TSHZ1: variants seen among roughly 807,000 people sequenced by gnomAD.
The protein encoded by TSHZ1 is teashirt zinc finger homeobox 1, also known as teashirt homolog 1.
A neutral mutation model predicts 67.1 loss-of-function variants in TSHZ1; 12 were observed. The observed-to-expected ratio is 0.18, with a 90% CI of 0.11 to 0.29. TSHZ1 has a LOEUF of 0.29. Among genes scored for constraint, TSHZ1 ranks in the 10% least tolerant of loss-of-function variants. The pLI is 1.00. For synonymous variants in TSHZ1, 632 were observed against 622.4 expected (o/e 1.02, Z -0.23); for missense variants, 1,305 against 1,413.9 (o/e 0.92, Z 1.23).
At position 75,288,184 on chromosome 18, in the gene TSHZ1, G is replaced by C. The variant is rs777836494; in HGVS notation, c.2777G>C (p.Arg926Thr). The change falls in exon 2 of 2, where the codon AGG (arginine) becomes ACG (threonine). Residue 926 changes from arginine (R) to threonine (T), a missense_variant. This residue lies in a region of TSHZ1 where 909 missense variants were observed against 961.8 expected (regional missense o/e 0.95). Coordinates refer to ENST00000580243, the MANE Select transcript of TSHZ1 (RefSeq NM_001308210.2). The surrounding 1 kb of genome is among the most constrained non-coding windows in gnomAD (Gnocchi z 4.9). ...YIMSDLGPQERVHISKFTGLS... is the reference protein window; with the variant it reads ...YIMSDLGPQETVHISKFTGLS... ...ATGTCGGACTTGGGCCCGCAGGAGA[G>C]GGTGCACATCTCGAAGTTTACTGGG... is the stretch of plus-strand genomic sequence containing the variant. 1.9e-6 allele frequency: 3 copies of C among 1,614,196 alleles called. No homozygotes were observed. In the South Asian group the frequency reaches 3.3e-5, roughly 18 times the overall value.
chr18:75,255,061 A>G (rs901431930), intron 1 of TSHZ1, among the ~76,000 whole-genome samples: 1 of 152,202 alleles, frequency 6.6e-6, no homozygotes, highest in East Asian at 1.9e-4. Context: ...TCTCTCGATG[A>G]TGAAACACAC....
chr18:75,274,494 T>G (rs1382183555), intron 1 of TSHZ1, among the ~76,000 whole-genome samples: 2 of 152,176 alleles, frequency 1.3e-5, no homozygotes, highest in Admixed American at 1.3e-4. Flanking sequence ...TAAAGGATAT[T>G]CTGATAGGTT....
At position 75,286,837 on chromosome 18, in the gene TSHZ1, G is replaced by T; in HGVS notation, c.1430G>T (p.Arg477Leu). ...CCACTACCGCCCACCACCCACACGC[G>T]GCTGCCGGCCTCCAGCATCAAAAAG... ...SIPLPPTTHTRLPASSIKKQP... is the reference protein window; with the variant it reads ...SIPLPPTTHTLLPASSIKKQP... Residue 477 changes from arginine (R) to leucine (L), a missense_variant, in exon 2 of 2, where the codon CGG becomes CTG. Around this residue, in one of 3 missense-constraint regions of TSHZ1, gnomAD observed 909 missense variants for 961.8 expected, o/e 0.95. Transcript: ENST00000580243. The surrounding 1 kb of genome is among the most constrained non-coding windows in gnomAD (Gnocchi z 5.1). 6.2e-7 allele frequency: 1 copy of T among 1,613,998 alleles called. No individual in the cohort carries two copies. Among genetic ancestry groups the T allele is most frequent in the Non-Finnish European group, 8.5e-7 (1 of 1,180,006 alleles).
intron 1 of TSHZ1, among the ~76,000 whole-genome samples, chr18:75,269,418 C>G (rs143100909): frequency 1.2e-3 from 186 of 152,108 alleles, no homozygotes; most frequent in African/African-American, 3.7e-3. Context: ...CCGTGGTTAC[C>G]TCCCCTGTGC....
rs760324412 is a variant in TSHZ1 at position 75,286,834 on chromosome 18, C to T, written c.1427C>T (p.Thr476Met). 1.7e-5 allele frequency: 28 copies of T among 1,613,968 alleles called. No homozygotes were observed. Among genetic ancestry groups the T allele is most frequent in the Middle Eastern group, 1.7e-4 (1 of 6,058 alleles). Residue 476 changes from threonine to methionine, a missense_variant, in exon 2 of 2, where the codon ACG (threonine) becomes ATG (methionine). Transcript: ENST00000580243. The surrounding 1 kb of genome is among the most constrained non-coding windows in gnomAD (Gnocchi z 5.1). ...QSIPLPPTTH[T>M]RLPASSIKKQ... ...ATCCCACTACCGCCCACCACCCACA[C>T]GCGGCTGCCGGCCTCCAGCATCAAA... is the stretch of plus-strand genomic sequence containing the variant.
At chr18:75,219,120 T>A (rs2022811529) in intron 1 of TSHZ1, among the ~76,000 whole-genome samples, 1 of 152,186 alleles carries the variant, frequency 6.6e-6, no homozygotes. Context: ...TGACATAATA[T>A]TTTAGTATTG....
chr18:75,247,750 T>A (rs981220280), intron 1 of TSHZ1, among the ~76,000 whole-genome samples: 10 of 150,646 alleles, frequency 6.6e-5, no homozygotes, highest in African/African-American at 2.5e-4. Flanking sequence ...ACACACACAC[T>A]CACCCACAGC....
intron 1 of TSHZ1, among the ~76,000 whole-genome samples, chr18:75,237,788 TTTCATTTA>T (rs993963801): frequency 5.7e-5 from 5 of 87,808 alleles, no homozygotes; most frequent in African/African-American, 1.8e-4. Flanking sequence ...GCCTTCTTTC[TTTCATTTA>T]TTTATTTATT....
chr18:75,233,854 G>A (rs2023031610), intron 1 of TSHZ1, among the ~76,000 whole-genome samples: 1 of 152,186 alleles, frequency 6.6e-6, no homozygotes, highest in Non-Finnish European at 1.5e-5. Context: ...GCACACTGTG[G>A]AGGATGCGGT....
chr18:75,287,779 C>T lies in TSHZ1; in HGVS notation c.2372C>T (p.Pro791Leu), dbSNP rs141280995. 1.2e-6 allele frequency: 2 copies of T among 1,614,090 alleles called. No individual in the cohort carries two copies. The highest frequency in any genetic ancestry group is 1.3e-5 in the African/African-American group (1 of 74,946). Residue 791 changes from proline to leucine, a missense_variant, in exon 2 of 2, where the codon CCT (proline) becomes CTT (leucine). Physicochemically the swap from Pro to Leu is moderately conservative, Grantham distance 98. Around this residue, in one of 3 missense-constraint regions of TSHZ1, gnomAD observed 909 missense variants for 961.8 expected, o/e 0.95. Coordinates refer to ENST00000580243, the MANE Select transcript of TSHZ1 (RefSeq NM_001308210.2). The surrounding 1 kb of genome is among the most constrained non-coding windows in gnomAD (Gnocchi z 5.0). ...GACAAGCCGGTGTACCCCGCCACCC[C>T]TGTGAAGCAGGCCGATGCCATCGAC... Reference protein sequence around the residue: ...MLDKPVYPATPVKQADAIDRY... With the variant: ...MLDKPVYPATLVKQADAIDRY...
At chr18:75,246,923 T>C (rs2023231894) in intron 1 of TSHZ1, among the ~76,000 whole-genome samples, 2 of 152,170 alleles carry the variant, frequency 1.3e-5, no homozygotes, top group South Asian at 4.1e-4. Flanking sequence ...CCAAAGAACA[T>C]TCACAATAAT....
chr18:75,264,904 T>A (rs2023472403), intron 1 of TSHZ1, among the ~76,000 whole-genome samples: 1 of 152,248 alleles, frequency 6.6e-6, no homozygotes, highest in South Asian at 2.1e-4. Flanking sequence ...AGATGTACTA[T>A]CCACAGCTAA....
chr18:75,253,401 T>G (rs2023327044), intron 1 of TSHZ1, among the ~76,000 whole-genome samples: 1 of 152,256 alleles, frequency 6.6e-6, no homozygotes, highest in African/African-American at 2.4e-5. Context: ...GGGGAGTGTT[T>G]GGATTTTTAA....
At chr18:75,222,517 G>T (rs537843916) in intron 1 of TSHZ1, among the ~76,000 whole-genome samples, 90 of 152,190 alleles carry the variant, frequency 5.9e-4, no homozygotes, top group African/African-American at 2.0e-3. Flanking sequence ...GCTCCGAGAA[G>T]CTGGTGGAAT....
At chr18:75,248,686 A>T (rs968942922) in intron 1 of TSHZ1, among the ~76,000 whole-genome samples, 14 of 152,332 alleles carry the variant, frequency 9.2e-5, no homozygotes, top group African/African-American at 3.4e-4. Context: ...TTATACGTTT[A>T]TTGGAAGCTA....
In TSHZ1 at chr18:75,286,915, A is replaced by G; in HGVS notation, c.1508A>G (p.Glu503Gly). ...STTSEEKKEP[E>G]KEKPPVAGDA... is the part of the protein sequence containing the mutation. ...ACTTCTGAAGAAAAGAAAGAGCCAG[A>G]GAAGGAGAAGCCGCCTGTGGCTGGC... The change falls in exon 2 of 2, where the codon GAG becomes GGG. Residue 503 changes from glutamate (E) to glycine (G), a missense_variant. By Grantham distance (98) the Glu-to-Gly change is moderately conservative. Transcript: ENST00000580243. The surrounding 1 kb of genome is among the most constrained non-coding windows in gnomAD (Gnocchi z 5.1). The G allele has an allele frequency of 6.2e-7, 1 of 1,614,192 alleles. No individual in the cohort carries two copies. Among genetic ancestry groups the G allele is most frequent in the Non-Finnish European group, 8.5e-7 (1 of 1,180,024 alleles).
chr18:75,243,627 A>G (rs1599036586), intron 1 of TSHZ1, among the ~76,000 whole-genome samples: 3 of 152,170 alleles, frequency 2.0e-5, no homozygotes, highest in East Asian at 3.9e-4. Context: ...CAGTTGGAAA[A>G]GGGTCTCCTC....
intron 1 of TSHZ1, among the ~76,000 whole-genome samples, chr18:75,212,696 C>T (rs1196205000): frequency 6.6e-6 from 1 of 152,202 alleles, no homozygotes; most frequent in Non-Finnish European, 1.5e-5. Context: ...ATCAGGGCAA[C>T]TTTTCTCTCT....
chr18:75,283,368 T>C (rs917604370), intron 1 of TSHZ1: 15 of 152,286 alleles, frequency 9.8e-5, no homozygotes, highest in Non-Finnish European at 1.8e-4. Context: ...AAACCTTTAA[T>C]AATTACAGGC....
Sources: allele counts gnomAD v4.1 joint callset (sites outside exome capture counted in the v4.1 genomes callset), GRCh38; gene constraint gnomAD v4.1.1; regional missense constraint gnomAD v4.1.1; non-coding constraint Gnocchi (gnomAD v3.1); transcripts MANE v1.5; gene names NCBI Gene and HGNC (gene_info 2026-07-23, HGNC 2026-07-21).